DENND2B: variants seen among roughly 807,000 people sequenced by gnomAD.
The protein encoded by DENND2B is DENN domain containing 2B.
Under a neutral mutation model 116.0 loss-of-function variants are expected in DENND2B, and 32 were observed. The observed-to-expected ratio is 0.28, with a 90% CI of 0.21 to 0.37. The LOEUF is 0.37. DENND2B is among the 10% of genes least tolerant of loss of function. The pLI is 1.00. For synonymous variants in DENND2B, 588 were observed against 583.9 expected, an observed-to-expected ratio of 1.01 and a Z score of -0.10; for missense variants, 1,276 against 1,477.7, an observed-to-expected ratio of 0.86 and a Z score of 2.24.
intron 1 of DENND2B, among the ~76,000 whole-genome samples, chr11:8,899,864 A>T (rs531502237): frequency 6.6e-6 from 1 of 152,360 alleles, no homozygotes; most frequent in South Asian, 2.1e-4. Flanking sequence ...AAGAGCATAT[A>T]AAGCAATAAT....
chr11:8,698,157 A>AT (rs2040762397), intron 16 of DENND2B, among the ~76,000 whole-genome samples: 2 of 146,440 alleles, frequency 1.4e-5, no homozygotes, highest in Non-Finnish European at 3.0e-5. Context: ...AAAAAAAAAA[A>AT]AAAAAAAAAG....
intron 1 of DENND2B, among the ~76,000 whole-genome samples, chr11:8,782,064 C>T: frequency 6.6e-6 from 1 of 152,214 alleles, no homozygotes; most frequent in South Asian, 2.1e-4. Context: ...CACTTCCATT[C>T]CTAGGTAGCT....
At chr11:8,796,408 G>A (rs575624445) in intron 1 of DENND2B, among the ~76,000 whole-genome samples, 8 of 152,264 alleles carry the variant, frequency 5.3e-5, no homozygotes, top group African/African-American at 1.2e-4. Flanking sequence ...GCATGGTGGC[G>A]TGTGCCTGTA....
At chr11:8,840,631 G>A (rs947093347) in intron 3 of DENND2B, among the ~76,000 whole-genome samples, 2 of 152,082 alleles carry the variant, frequency 1.3e-5, no homozygotes, top group Non-Finnish European at 1.5e-5. Context: ...TATCAGTCCC[G>A]GCCAAGATGA....
chr11:8,775,411 C>G (rs1020151143), intron 1 of DENND2B, among the ~76,000 whole-genome samples: 2 of 152,146 alleles, frequency 1.3e-5, no homozygotes, highest in Admixed American at 6.5e-5. Context: ...GTTCCAACTC[C>G]AAAAAGCCCT....
chr11:8,711,501 C>CCG (rs2043675143), intron 9 of DENND2B, among the ~76,000 whole-genome samples: 1 of 152,100 alleles, frequency 6.6e-6, no homozygotes, highest in Non-Finnish European at 1.5e-5. Flanking sequence ...GACAAGGTCC[C>CCG]CGACCTTACA....
chr11:8,749,661 T>A (rs1165952072), intron 2 of DENND2B, among the ~76,000 whole-genome samples: 1 of 152,166 alleles, frequency 6.6e-6, no homozygotes, highest in Admixed American at 6.5e-5. Context: ...CCAGACCCTA[T>A]TGGACTCAGC....
chr11:8,766,267 G>C (rs1022848784), intron 1 of DENND2B, among the ~76,000 whole-genome samples: 1 of 152,124 alleles, frequency 6.6e-6, no homozygotes, highest in South Asian at 2.1e-4. Context: ...AGCACACTCA[G>C]GCTTCCCAGA....
At chr11:8,773,047 G>C (rs994818626) in intron 1 of DENND2B, among the ~76,000 whole-genome samples, 3 of 152,086 alleles carry the variant, frequency 2.0e-5, no homozygotes, top group African/African-American at 4.8e-5. Flanking sequence ...TTTACATCTT[G>C]AGTGAAATAT....
In DENND2B at chr11:8,778,176, G is replaced by A. The variant is rs192196311; in HGVS notation, c.-25-27451C>T. On this transcript the variant is annotated intron_variant, in intron 1 of 19. Coordinates refer to ENST00000313726, the MANE Select transcript of DENND2B (RefSeq NM_213618.2). ...AACAGAAGGAAAGAAGTTACCATTG[G>A]CCCTTGGATCACCAGCAACTAGCTC... 1.4e-3 allele frequency among the ~76,000 whole-genome samples: 219 copies of A among 152,278 alleles called. 1 individual carries two copies. The highest frequency in any genetic ancestry group is 2.5e-3 in the Admixed American group (39 of 15,298).
intron 1 of DENND2B, among the ~76,000 whole-genome samples, chr11:8,905,437 T>C (rs1205445130): frequency 2.0e-5 from 3 of 152,014 alleles, no homozygotes; most frequent in African/African-American, 7.3e-5. Context: ...TATACAACTA[T>C]TAGGAGGAAA....
chr11:8,855,833 A>G (rs2063174950), intron 3 of DENND2B, among the ~76,000 whole-genome samples: 1 of 152,128 alleles, frequency 6.6e-6, no homozygotes, highest in South Asian at 2.1e-4. Context: ...GAAGGGCCCA[A>G]TCCAAACAGA....
At position 8,714,901 on chromosome 11, in the gene DENND2B, T is replaced by C. The variant is rs2044441046; in HGVS notation, c.1846-195A>G. The C allele has an allele frequency of 5.3e-6, 3 of 568,478 alleles. No homozygotes were observed. In the South Asian group the frequency reaches 6.2e-5, roughly 12 times the overall value. The allele number at this position is 568,478 out of a possible 1,614,324, so 35.2% of individuals were successfully genotyped here. A position where few individuals can be genotyped will look rare whatever the true frequency, so the allele number is the denominator to read the frequency against. On this transcript the variant is annotated intron_variant, in intron 6 of 19. Coordinates refer to ENST00000313726, the MANE Select transcript of DENND2B (RefSeq NM_213618.2). The stretch of plus-strand genomic sequence containing the variant: ...CAGCCATGCATGGTAGCTCTCCATA[T>C]ACCTAGTCCCCCAGGAGTGGTCTCC...
chr11:8,864,080 G>GA (rs1174482505), intron 2 of DENND2B, among the ~76,000 whole-genome samples: 1 of 151,988 alleles, frequency 6.6e-6, no homozygotes, highest in Non-Finnish European at 1.5e-5. Flanking sequence ...ATGACTAATA[G>GA]AAAAAATAAC....
At chr11:8,793,977 T>C (rs2059602495) in intron 1 of DENND2B, among the ~76,000 whole-genome samples, 1 of 152,124 alleles carries the variant, frequency 6.6e-6, no homozygotes, top group Non-Finnish European at 1.5e-5. Flanking sequence ...AGTTTAAATA[T>C]ATAAATAAAA....
intron 11 of DENND2B, 56 bp downstream of exon 11, chr11:8,710,789 A>T: frequency 4.3e-6 from 6 of 1,388,298 alleles, no homozygotes; most frequent in Non-Finnish European, 6.1e-6. Flanking sequence ...ACACACACAC[A>T]CACACCCTGG....
chr11:8,839,609 G>T (rs1475237768), intron 3 of DENND2B, among the ~76,000 whole-genome samples: 2 of 152,188 alleles, frequency 1.3e-5, no homozygotes, highest in Non-Finnish European at 2.9e-5. Context: ...TGGGCCACCA[G>T]TGGTCCCCCT....
At chr11:8,906,508 T>TTA (rs1566095956) in intron 1 of DENND2B, among the ~76,000 whole-genome samples, 1,627 of 67,502 alleles carry the variant, frequency 0.024, 51 homozygotes, top group African/African-American at 0.061. Context: ...CAAGAAGTCT[T>TTA]CAAAAAAAAA....
At chr11:8,799,918 TTTATTATTATTATTATTATTA>T (rs143632896) in intron 1 of DENND2B, among the ~76,000 whole-genome samples, 66,612 of 143,612 alleles carry the variant, frequency 0.46, 15,602 homozygotes, top group Middle Eastern at 0.6. Flanking sequence ...TCACCATGTA[TTTATTATTATTATTATTATTA>T]TTATTATTAT....
Sources: allele counts gnomAD v4.1 joint callset (sites outside exome capture counted in the v4.1 genomes callset), GRCh38; gene constraint gnomAD v4.1.1; transcripts MANE v1.5; gene names NCBI Gene and HGNC (gene_info 2026-07-23, HGNC 2026-07-21).